The following NEXN variants were observed in gnomAD, a reference collection of about 807,000 sequenced individuals.
The protein encoded by NEXN is nexilin.
Under a neutral mutation model 92.6 loss-of-function variants are expected in NEXN, and 65 were observed. The observed-to-expected ratio is 0.70, with a 90% CI of 0.57 to 0.86. The LOEUF is 0.86. NEXN is among the 40% of genes least tolerant of loss of function. The pLI is 0.00. For synonymous variants in NEXN, 254 were observed against 242.5 expected (o/e 1.05, Z -0.44); for missense variants, 778 against 771.1 (o/e 1.01, Z -0.11).
At chr1:77,907,405 G>A (rs1224852975) in intron 1 of NEXN, among the ~76,000 whole-genome samples, 2 of 152,232 alleles carry the variant, frequency 1.3e-5, no homozygotes, top group Non-Finnish European at 1.5e-5. Context: ...TTTAAGAGAT[G>A]TGAGTTCTAT....
intron 9 of NEXN, 100 bp downstream of exon 9, chr1:77,929,604 A>G (rs779993174): frequency 1.3e-6 from 2 of 1,510,592 alleles, no homozygotes; most frequent in Non-Finnish European, 1.8e-6. Flanking sequence ...ATTTCTGGAA[A>G]CTGTGCCAAG....
rs1228996121 is a variant in NEXN, at chr1:77,925,239, C to T, written c.489+10C>T. The stretch of plus-strand genomic sequence containing the variant: ...TGAATCAGCATCAGAGGTAAACAGA[C>T]ATTTCCTTTAATGAAACATTCACCT... On this transcript the variant is annotated intron_variant, in intron 6 of 12. Transcript: ENST00000334785. 2 of 1,584,080 alleles carry T rather than the reference C, an allele frequency of 1.3e-6. No homozygotes were observed. Among genetic ancestry groups the T allele is most frequent in the Non-Finnish European group, 8.7e-7 (1 of 1,154,972 alleles).
In NEXN at chr1:77,941,016, C is replaced by T. The variant is rs76501535; in HGVS notation, c.1474-1007C>T. On this transcript the variant is annotated intron_variant, in intron 11 of 12. Coordinates refer to ENST00000334785, the MANE Select transcript of NEXN (RefSeq NM_144573.4). The stretch of plus-strand genomic sequence containing the variant: ...TTTAACCACCTTCTACTCCTTTCAT[C>T]GGAAATGAGGTAGGTACAAGGTACG... Among the ~76,000 whole-genome samples, 1,318 of 152,250 alleles carry T rather than the reference C, an allele frequency of 8.7e-3. 15 individuals carry two copies. Among genetic ancestry groups the T allele is most frequent in the Admixed American group, 0.013 (202 of 15,290 alleles).
At chr1:77,899,359 G>A in intron 1 of NEXN, among the ~76,000 whole-genome samples, 1 of 151,918 alleles carries the variant, frequency 6.6e-6, no homozygotes, top group Non-Finnish European at 1.5e-5. Context: ...TCCTTTGTAG[G>A]GACATGGATG....
chr1:77,937,259 G>A (rs1749911), intron 11 of NEXN, among the ~76,000 whole-genome samples: 121,751 of 152,080 alleles, frequency 0.8, 49,034 homozygotes, highest in Middle Eastern at 0.87. Flanking sequence ...AACTGTGATT[G>A]CACCACTGCA....
chr1:77,906,276 C>T (rs1180061546), intron 1 of NEXN, among the ~76,000 whole-genome samples: 3 of 152,080 alleles, frequency 2.0e-5, no homozygotes, highest in Non-Finnish European at 2.9e-5. Context: ...CATTATTAGG[C>T]CCATTTTACA....
chr1:77,938,474 C>A (rs937126615), intron 11 of NEXN, among the ~76,000 whole-genome samples: 1 of 151,836 alleles, frequency 6.6e-6, no homozygotes, highest in Non-Finnish European at 1.5e-5. Flanking sequence ...CATGGTGAAA[C>A]CCCGTCTCTA....
rs754485056 is a variant in NEXN, at chr1:77,942,037, T to C, written c.1488T>C (p.Asp496=). ...AENFHEEDDV[D]VRPARKSEAP... The stretch of plus-strand genomic sequence containing the variant: ...CTTTCTTGCAGGAAGATGATGTTGA[T>C]GTTAGGCCTGCAAGAAAAAGCGAGG... Residue 496 remains aspartate (D), a synonymous_variant, in exon 12 of 13, where the codon GAT becomes GAC. Transcript: ENST00000334785. The C allele has an allele frequency of 1.3e-5, 21 of 1,612,904 alleles. No individual in the cohort carries two copies. The African/African-American group carries it at 2.7e-4, about 21-fold the overall frequency.
chr1:77,939,088 A>C (rs544957264), intron 11 of NEXN, among the ~76,000 whole-genome samples: 54 of 152,282 alleles, frequency 3.5e-4, no homozygotes, highest in African/African-American at 1.2e-3. Flanking sequence ...CAAGGGAGAA[A>C]AACAGACCTA....
intron 6 of NEXN, 52 bp from the exon 7 acceptor site, chr1:77,926,362 A>G (rs979654983): frequency 3.6e-5 from 48 of 1,341,476 alleles, no homozygotes; most frequent in Non-Finnish European, 4.7e-5. Flanking sequence ...AGTCCCATGA[A>G]ACCCAATTTT....
intron 5 of NEXN, among the ~76,000 whole-genome samples, chr1:77,924,527 A>G (rs1051341980): frequency 3.9e-5 from 6 of 152,282 alleles, no homozygotes; most frequent in African/African-American, 9.6e-5. Flanking sequence ...AAGTGTTTCT[A>G]TGTGTCTTGG....
chr1:77,917,126 A>G (rs1210094907), intron 2 of NEXN, among the ~76,000 whole-genome samples: 1 of 152,206 alleles, frequency 6.6e-6, no homozygotes, highest in Non-Finnish European at 1.5e-5. Context: ...CTCAAACTTT[A>G]AAGCCTAAAC....
intron 8 of NEXN, among the ~76,000 whole-genome samples, chr1:77,928,509 T>C (rs918844855): frequency 7.9e-5 from 12 of 151,952 alleles, no homozygotes; most frequent in African/African-American, 2.9e-4. Flanking sequence ...GTGGTCAACT[T>C]AATAAAGAAA....
At chr1:77,894,264 C>A (rs72685340) in intron 1 of NEXN, among the ~76,000 whole-genome samples, 1 of 152,118 alleles carries the variant, frequency 6.6e-6, no homozygotes, top group Non-Finnish European at 1.5e-5. Context: ...GCATAAGATT[C>A]TTGGTTTTCG....
intron 2 of NEXN, 130 bp from the exon 3 acceptor site, chr1:77,917,436 A>C: frequency 1.4e-6 from 1 of 708,792 alleles, no homozygotes; most frequent in Middle Eastern, 4.0e-4. Context: ...TGGTCAAATA[A>C]AGGGTTCAAA....
At position 77,936,075 on chromosome 1, in the gene NEXN, G is replaced by A. The variant is rs370433563; in HGVS notation, c.1473+31G>A. The A allele has an allele frequency of 5.1e-4, 737 of 1,445,372 alleles. 2 individuals carry two copies. The highest frequency in any genetic ancestry group is 4.2e-4 in the Admixed American group (24 of 57,062). 89.5% of individuals were successfully genotyped at this position (1,445,372 alleles called of 1,614,324 possible). Reference sequence around the variant, plus strand: ...TTACCTTTATATTTAACATAGTTATGGTACAGTAATGATAATAAATTTAAC... The same window carrying A: ...TTACCTTTATATTTAACATAGTTATAGTACAGTAATGATAATAAATTTAAC... On this transcript the variant is annotated intron_variant, in intron 11 of 12. Coordinates refer to ENST00000334785, the MANE Select transcript of NEXN (RefSeq NM_144573.4).
chr1:77,923,355 T>A (rs1649591504), intron 5 of NEXN, among the ~76,000 whole-genome samples: 1 of 152,018 alleles, frequency 6.6e-6, no homozygotes. Context: ...AGTGTGATGA[T>A]GAGAGAACAG....
chr1:77,941,326 CTA>C (rs914968331), intron 11 of NEXN, among the ~76,000 whole-genome samples: 16 of 152,282 alleles, frequency 1.1e-4, no homozygotes, highest in African/African-American at 3.6e-4. Context: ...CAAAACTGCT[CTA>C]GACCTTATCA....
At chr1:77,914,395 C>T (rs1386972488) in intron 1 of NEXN, among the ~76,000 whole-genome samples, 1 of 151,696 alleles carries the variant, frequency 6.6e-6, no homozygotes, top group East Asian at 1.9e-4. Flanking sequence ...CTCAATTTTG[C>T]TGTGAACCTA....
Sources: allele counts gnomAD v4.1 joint callset (sites outside exome capture counted in the v4.1 genomes callset), GRCh38; gene constraint gnomAD v4.1.1; transcripts MANE v1.5; gene names NCBI Gene and HGNC (gene_info 2026-07-23, HGNC 2026-07-21).